E2F3: variants seen among roughly 807,000 people sequenced by gnomAD.
The protein encoded by E2F3 is transcription factor E2F3.
Under a neutral mutation model 44.4 loss-of-function variants are expected in E2F3, and 11 were observed. The observed-to-expected ratio is 0.25, with a 90% CI of 0.16 to 0.41. The LOEUF (loss-of-function observed/expected upper bound fraction) is 0.41. Among genes scored for constraint, E2F3 ranks in the 10% least tolerant of loss-of-function variants. E2F3 has a pLI of 1.00. For missense variants in E2F3, 487 were observed against 583.6 expected, an observed-to-expected ratio of 0.83 and a Z score of 1.70; for synonymous variants, 249 against 253.0, an observed-to-expected ratio of 0.98 and a Z score of 0.15.
intron 1 of E2F3, among the ~76,000 whole-genome samples, chr6:20,434,149 GT>G (rs1272865068): frequency 6.6e-6 from 1 of 152,206 alleles, no homozygotes; most frequent in Non-Finnish European, 1.5e-5. Context: ...GAGGGACAGA[GT>G]TTTCCAAATG....
chr6:20,461,352 G>A (rs1224082414), intron 1 of E2F3, among the ~76,000 whole-genome samples: 1 of 152,124 alleles, frequency 6.6e-6, no homozygotes, highest in Non-Finnish European at 1.5e-5. Flanking sequence ...AACTTAGCCA[G>A]TTGTGGTGGT....
At chr6:20,438,635 C>G (rs113884028) in intron 1 of E2F3, among the ~76,000 whole-genome samples, 1,547 of 152,248 alleles carry the variant, frequency 0.01, 29 homozygotes, top group African/African-American at 0.035. Flanking sequence ...AGTACAATCA[C>G]CACCTTAAAA....
chr6:20,447,687 G>A (rs1486518462), intron 1 of E2F3, among the ~76,000 whole-genome samples: 1 of 152,154 alleles, frequency 6.6e-6, no homozygotes, highest in Non-Finnish European at 1.5e-5. Context: ...GGAATAGGCT[G>A]TGAAGTCATT....
At chr6:20,409,339 A>G (rs1460347335) in intron 1 of E2F3, among the ~76,000 whole-genome samples, 1 of 152,272 alleles carries the variant, frequency 6.6e-6, no homozygotes, top group East Asian at 1.9e-4. Flanking sequence ...AAAGGAAAGA[A>G]TGACTCTTCA....
chr6:20,448,660 T>C lies in E2F3; in HGVS notation c.394-31186T>C, dbSNP rs552290693. On this transcript the variant is annotated intron_variant, in intron 1 of 6. Transcript: ENST00000346618. ...AGGTGTTGCCTGATTTTGAATTAGT[T>C]AAAAGACAGGTTAGAGACGTGGGAG... Among the ~76,000 whole-genome samples, 11 of 152,334 alleles carry C rather than the reference T, an allele frequency of 7.2e-5. No individual in the cohort carries two copies. The East Asian group carries it at 2.1e-3, about 29-fold the overall frequency.
chr6:20,471,177 C>T (rs1480483571), intron 1 of E2F3, among the ~76,000 whole-genome samples: 1 of 152,092 alleles, frequency 6.6e-6, no homozygotes, highest in Non-Finnish European at 1.5e-5. Flanking sequence ...CTATTCACAC[C>T]TGCTTTTTTT....
rs138700830 is a variant in E2F3 at position 20,414,688 on chromosome 6, G to A, written c.393+12063G>A. Among the ~76,000 whole-genome samples, 245 of 152,262 alleles carry A rather than the reference G, an allele frequency of 1.6e-3. 1 individual carries two copies. The highest frequency in any genetic ancestry group is 5.5e-3 in the African/African-American group (229 of 41,538). The stretch of plus-strand genomic sequence containing the variant: ...TATGTTGGGTAGCAGAACTTGTGAC[G>A]ATCACACTAATAACATAAAGTTTCC... On this transcript the variant is annotated intron_variant, in intron 1 of 6. Transcript: ENST00000346618.
At chr6:20,428,135 C>T (rs1190289991) in intron 1 of E2F3, among the ~76,000 whole-genome samples, 1 of 152,194 alleles carries the variant, frequency 6.6e-6, no homozygotes, top group Non-Finnish European at 1.5e-5. Context: ...TGGTTAAGGG[C>T]TTGGACTTTG....
At chr6:20,405,421 A>C (rs961339805) in intron 1 of E2F3, among the ~76,000 whole-genome samples, 5 of 141,584 alleles carry the variant, frequency 3.5e-5, no homozygotes, top group Non-Finnish European at 6.0e-5. Context: ...ATCTCGGCTC[A>C]CTGCAACCTC....
chr6:20,405,511 G>T (rs1201263849), intron 1 of E2F3, among the ~76,000 whole-genome samples: 2 of 151,156 alleles, frequency 1.3e-5, no homozygotes, highest in Non-Finnish European at 3.0e-5. Context: ...ACGCCTGGCC[G>T]GTTATCTACA....
At chr6:20,468,363 G>A (rs1271985364) in intron 1 of E2F3, among the ~76,000 whole-genome samples, 1 of 152,230 alleles carries the variant, frequency 6.6e-6, no homozygotes, top group African/African-American at 2.4e-5. Flanking sequence ...GCAGCTCACA[G>A]AACTCAGGAA....
At chr6:20,469,880 G>A (rs1761834674) in intron 1 of E2F3, among the ~76,000 whole-genome samples, 1 of 152,096 alleles carries the variant, frequency 6.6e-6, no homozygotes, top group South Asian at 2.1e-4. Flanking sequence ...ATTAGATTCT[G>A]CACTTACCTC....
chr6:20,478,465 C>T (rs796750477), intron 1 of E2F3, among the ~76,000 whole-genome samples: 1 of 152,248 alleles, frequency 6.6e-6, no homozygotes, highest in African/African-American at 2.4e-5. Context: ...ATCTAGCTTC[C>T]GCTGATAAGT....
At chr6:20,444,124 G>C (rs2127597556) in intron 1 of E2F3, among the ~76,000 whole-genome samples, 1 of 152,274 alleles carries the variant, frequency 6.6e-6, no homozygotes, top group East Asian at 1.9e-4. Context: ...AGGAGGCAGA[G>C]GCTGCAGTTA....
At chr6:20,467,321 A>C (rs765386116) in intron 1 of E2F3, among the ~76,000 whole-genome samples, 12 of 152,078 alleles carry the variant, frequency 7.9e-5, no homozygotes, top group Non-Finnish European at 1.3e-4. Context: ...CATGAATACA[A>C]AGTGTATCAG....
chr6:20,478,307 A>T (rs1487664577), intron 1 of E2F3, among the ~76,000 whole-genome samples: 2 of 152,118 alleles, frequency 1.3e-5, no homozygotes, highest in Non-Finnish European at 2.9e-5. Context: ...AATTGTTGAG[A>T]TATTTTACCC....
chr6:20,471,343 G>T (rs1761882705), intron 1 of E2F3, among the ~76,000 whole-genome samples: 1 of 152,206 alleles, frequency 6.6e-6, no homozygotes, highest in Non-Finnish European at 1.5e-5. Flanking sequence ...AGCACTTTGG[G>T]AGGCCGAAGC....
chr6:20,421,408 GA>G (rs1349776928), intron 1 of E2F3, among the ~76,000 whole-genome samples: 1 of 152,172 alleles, frequency 6.6e-6, no homozygotes, highest in East Asian at 1.9e-4. Context: ...AATAAGACTA[GA>G]AATTCAAAAT....
At chr6:20,465,906 A>G (rs913743285) in intron 1 of E2F3, among the ~76,000 whole-genome samples, 4 of 152,172 alleles carry the variant, frequency 2.6e-5, no homozygotes, top group Non-Finnish European at 5.9e-5. Flanking sequence ...TGCTATAAAC[A>G]TGCGTGTGCA....
Sources: gnomAD v4.1 joint callset for allele counts (sites outside exome capture counted in the v4.1 genomes callset) on GRCh38, gnomAD v4.1.1 for gene constraint, MANE v1.5 for transcripts, NCBI Gene and HGNC (gene_info 2026-07-23, HGNC 2026-07-21) for gene names.